The following ILRUN variants were observed in gnomAD, a reference collection of about 807,000 sequenced individuals.
The protein encoded by ILRUN is inflammation and lipid regulator with UBA-like and NBR1-like domains.
In ILRUN, 3 loss-of-function variants were observed where a neutral mutation model predicts 33.8. The observed-to-expected ratio is 0.09, with a 90% CI of 0.04 to 0.23. The LOEUF (loss-of-function observed/expected upper bound fraction) is 0.23, where lower values mean the gene tolerates loss of function less well. ILRUN is among the 10% of genes least tolerant of loss of function. The probability of loss-of-function intolerance (pLI) is 1.00; values close to 1 mark genes in which losing one functional copy is unlikely to be tolerated. For synonymous variants in ILRUN, 124 were observed against 138.9 expected (o/e 0.89, Z 0.75); for missense variants, 210 against 375.1 (o/e 0.56, Z 3.64).
intron 1 of ILRUN, among the ~76,000 whole-genome samples, chr6:34,678,522 C>T (rs777260993): frequency 7.3e-5 from 11 of 151,444 alleles, no homozygotes; most frequent in Non-Finnish European, 1.6e-4. Context: ...TTTTTATATC[C>T]AACATTATTA....
chr6:34,601,827 G>C (rs955669641), intron 4 of ILRUN, among the ~76,000 whole-genome samples: 2 of 151,588 alleles, frequency 1.3e-5, no homozygotes, highest in East Asian at 3.9e-4. Flanking sequence ...AACAGAAGCA[G>C]ACTGACTCCT....
At chr6:34,643,724 T>G (rs1395537001) in intron 3 of ILRUN, among the ~76,000 whole-genome samples, 2 of 152,250 alleles carry the variant, frequency 1.3e-5, no homozygotes, top group Non-Finnish European at 2.9e-5. Flanking sequence ...TTGTTTGATA[T>G]GAAGCCTTCA....
At chr6:34,607,003 G>C in intron 3 of ILRUN, 99 bp from the exon 4 acceptor site, 1 of 886,086 alleles carries the variant, frequency 1.1e-6, no homozygotes. Flanking sequence ...ACCACAGAAT[G>C]AAACATTCTT....
At chr6:34,672,436 C>T (rs1033253584) in intron 1 of ILRUN, among the ~76,000 whole-genome samples, 5 of 151,964 alleles carry the variant, frequency 3.3e-5, no homozygotes, top group Non-Finnish European at 7.4e-5. Flanking sequence ...ACGTAGTGGG[C>T]CGGGTGTGGT....
intron 1 of ILRUN, among the ~76,000 whole-genome samples, chr6:34,669,181 T>C (rs1763064806): frequency 6.6e-6 from 1 of 151,742 alleles, no homozygotes; most frequent in Non-Finnish European, 1.5e-5. Context: ...TGGAAGGCAG[T>C]GGCATGATTA....
rs373739593 is a variant in ILRUN, at chr6:34,639,557, T to C, written c.511+7044A>G. Among the ~76,000 whole-genome samples, 3 of 152,284 alleles carry C rather than the reference T, an allele frequency of 2.0e-5. No homozygotes were observed. The South Asian group carries it at 6.2e-4, about 32-fold the overall frequency. ...CAATGTCCTATAGAACTGAGTATCT[T>C]CTAGCAGGCAGGAACTCTCTGGGGA... is the stretch of plus-strand genomic sequence containing the variant. On this transcript the variant is annotated intron_variant, in intron 3 of 4. Transcript: ENST00000374023.
intron 3 of ILRUN, among the ~76,000 whole-genome samples, chr6:34,621,134 G>C (rs901841824): frequency 3.3e-5 from 5 of 152,146 alleles, no homozygotes; most frequent in Non-Finnish European, 5.9e-5. Context: ...CAAAAAGGGG[G>C]AAATCAAACC....
At position 34,687,073 on chromosome 6, in the gene ILRUN, C is replaced by T. The variant is rs1213377074; in HGVS notation, c.158+9373G>A. The T allele has an allele frequency of 2.2e-5, 4 of 179,934 alleles. No homozygotes were observed. The East Asian group carries it at 4.3e-4, about 19-fold the overall frequency. The allele number at this position is 179,934 out of a possible 1,614,324, so 11.1% of individuals were successfully genotyped here. A position where few individuals can be genotyped will look rare whatever the true frequency, so the allele number is the denominator to read the frequency against. On this transcript the variant is annotated intron_variant, in intron 1 of 4. Transcript: ENST00000374023. The stretch of plus-strand genomic sequence containing the variant: ...CATGCAAGCATTTTGAACTGGGAGG[C>T]GATAAGACGAGAAAGGACCAAGTGA...
At chr6:34,682,041 C>CTTTTTTTTTTTTTTTTT (rs552894159) in intron 1 of ILRUN, among the ~76,000 whole-genome samples, 2 of 90,568 alleles carry the variant, frequency 2.2e-5, no homozygotes, top group Admixed American at 1.1e-4. Context: ...TATTTTTTTA[C>CTTTTTTTTTTTTTTTTT]TTTTTTTTTT....
chr6:34,660,243 C>T (rs1261340086), intron 1 of ILRUN, among the ~76,000 whole-genome samples: 2 of 151,698 alleles, frequency 1.3e-5, no homozygotes, highest in South Asian at 2.1e-4. Flanking sequence ...GGTGAGGCTG[C>T]GGTGAGCTGA....
At chr6:34,609,889 T>G (rs187478346) in intron 3 of ILRUN, among the ~76,000 whole-genome samples, 2,100 of 152,254 alleles carry the variant, frequency 0.014, 36 homozygotes, top group Non-Finnish European at 0.017. Flanking sequence ...CCGGGTGTGG[T>G]GGCTCATGCC....
intron 4 of ILRUN, 46 bp downstream of exon 4, chr6:34,606,509 T>TC (rs747914055): frequency 6.6e-7 from 1 of 1,511,084 alleles, no homozygotes; most frequent in East Asian, 2.3e-5. Context: ...GTATCACAAG[T>TC]CCCAAGGCCC....
chr6:34,677,190 C>T (rs1029389933), intron 1 of ILRUN, among the ~76,000 whole-genome samples: 1 of 151,802 alleles, frequency 6.6e-6, no homozygotes, highest in Non-Finnish European at 1.5e-5. Context: ...GCCTGTAATC[C>T]CAGGTACCAG....
chr6:34,634,971 T>C (rs1762327648), intron 3 of ILRUN, among the ~76,000 whole-genome samples: 2 of 152,184 alleles, frequency 1.3e-5, no homozygotes, highest in South Asian at 2.1e-4. Flanking sequence ...TATTGAGTAC[T>C]TGGGATGTAG....
intron 1 of ILRUN, among the ~76,000 whole-genome samples, chr6:34,687,794 A>G (rs2127389346): frequency 6.6e-6 from 1 of 151,430 alleles, no homozygotes; most frequent in South Asian, 2.1e-4. Flanking sequence ...GTGTTGGCAA[A>G]GATGTGGAGA....
intron 4 of ILRUN, among the ~76,000 whole-genome samples, chr6:34,603,501 G>A (rs572549397): frequency 1.2e-4 from 18 of 151,942 alleles, no homozygotes; most frequent in Non-Finnish European, 2.4e-4. Context: ...CGGGCGTAGT[G>A]GCGGGCGCCT....
intron 1 of ILRUN, among the ~76,000 whole-genome samples, chr6:34,666,358 G>A (rs934557006): frequency 1.3e-5 from 2 of 152,248 alleles, no homozygotes; most frequent in African/African-American, 4.8e-5. Flanking sequence ...TCGGGAGTTC[G>A]AGACCAGCCT....
intron 3 of ILRUN, among the ~76,000 whole-genome samples, chr6:34,631,331 CTT>C (rs1230393478): frequency 2.7e-4 from 39 of 142,494 alleles, no homozygotes; most frequent in Admixed American, 3.5e-4. Flanking sequence ...CCATTCCCCT[CTT>C]TTTTTTTTTT....
intron 2 of ILRUN, among the ~76,000 whole-genome samples, chr6:34,651,790 T>C (rs1319636476): frequency 3.7e-5 from 2 of 53,468 alleles, no homozygotes; most frequent in Non-Finnish European, 6.5e-5. Context: ...TCCAAAAAAC[T>C]TTTTTTTTTT....
Sources: allele counts gnomAD v4.1 joint callset (sites outside exome capture counted in the v4.1 genomes callset), GRCh38; gene constraint gnomAD v4.1.1; transcripts MANE v1.5; gene names NCBI Gene and HGNC (gene_info 2026-07-23, HGNC 2026-07-21).